Variants in VPS16 observed in about 807,000 individuals in gnomAD.
VPS16 encodes VPS16 core subunit of CORVET and HOPS complexes.
Under a neutral mutation model 116.0 loss-of-function variants are expected in VPS16, and 82 were observed. The ratio of observed to expected loss-of-function variants is 0.71; its 90% confidence interval spans 0.59 to 0.85. The LOEUF is 0.85. Ranked by LOEUF, VPS16 falls within the 40% of genes least tolerant of loss-of-function variation. The pLI, the probability that VPS16 is intolerant of heterozygous loss-of-function variation, is 0.00. For missense variants in VPS16, 928 were observed against 1,090.6 expected (o/e 0.85, Z 2.10); for synonymous variants, 406 against 420.7 (o/e 0.96, Z 0.43).
In VPS16 at chr20:2,865,155, A is replaced by G; in HGVS notation, c.2012A>G (p.Glu671Gly). The G allele has an allele frequency of 6.2e-7, 1 of 1,614,094 alleles. No individual in the cohort carries two copies. Among genetic ancestry groups the G allele is most frequent in the Non-Finnish European group, 8.5e-7 (1 of 1,180,004 alleles). The change falls in exon 21 of 24, where the codon GAG becomes GGG. Residue 671 changes from glutamate to glycine, a missense_variant. By Grantham distance (98) the Glu-to-Gly change is moderately conservative. Transcript: ENST00000380445. This position sits in a 1 kb window ranked among gnomAD's most constrained non-coding sequence, Gnocchi z 5.2. ...CATTATCCGGGTCCCCAGGCTACAG[A>G]GGATCAAATGCGGCTCCTACGGCTG... Reference protein sequence around the residue: ...AKNEFAAKATEDQMRLLRLQR... With the variant: ...AKNEFAAKATGDQMRLLRLQR...
At position 2,864,953 on chromosome 20, in the gene VPS16, C is replaced by A. The variant is rs777121972; in HGVS notation, c.1927-25C>A. 1.1e-5 allele frequency: 18 copies of A among 1,613,866 alleles called. No homozygotes were observed. Among genetic ancestry groups the A allele is most frequent in the Non-Finnish European group, 1.4e-5 (17 of 1,179,926 alleles). ...GCGAGGGTCCTGCATGCTGTGAGTT[C>A]AGGCCTTCCTTCTTGTCTTTATAGC... On this transcript the variant is annotated intron_variant, in intron 19 of 23. Transcript: ENST00000380445. This position sits in a 1 kb window ranked among gnomAD's most constrained non-coding sequence, Gnocchi z 5.2.
rs769087847 is a variant in VPS16 at position 2,865,103 on chromosome 20, T to A, written c.2005-45T>A. The A allele has an allele frequency of 6.2e-7, 1 of 1,614,158 alleles. No homozygotes were observed. Among genetic ancestry groups the A allele is most frequent in the South Asian group, 1.1e-5 (1 of 91,086 alleles). ...AGCCTCCTCGTCTCCTGGTCTTCCC[T>A]CCTGGTCCCTCATCCCCATCATGCC... On this transcript the variant is annotated intron_variant, in intron 20 of 23. Transcript: ENST00000380445. This position sits in a 1 kb window ranked among gnomAD's most constrained non-coding sequence, Gnocchi z 5.2.
chr20:2,844,714 A>G (rs560658873), intron 1 of VPS16, among the ~76,000 whole-genome samples: 9 of 152,230 alleles, frequency 5.9e-5, no homozygotes, highest in Non-Finnish European at 1.2e-4. Context: ...AGAAGTAATA[A>G]TACCCTATCC....
Position 2,860,412 on chromosome 20 carries a change from C to A in VPS16, c.370-37C>A. ...GGGGACGCGGGGTAGAGTTTATGACCCTGTGGCTCCCTTAACCCATGGCCC... is the reference window on the plus strand; with the variant it reads ...GGGGACGCGGGGTAGAGTTTATGACACTGTGGCTCCCTTAACCCATGGCCC... On this transcript the variant is annotated intron_variant, in intron 4 of 23. Coordinates refer to ENST00000380445, the MANE Select transcript of VPS16 (RefSeq NM_022575.4). The surrounding 1 kb of genome is among the most constrained non-coding windows in gnomAD (Gnocchi z 6.1). 1.9e-6 allele frequency: 3 copies of A among 1,613,988 alleles called. No individual in the cohort carries two copies. Among genetic ancestry groups the A allele is most frequent in the Non-Finnish European group, 2.5e-6 (3 of 1,179,992 alleles).
intron 1 of VPS16, among the ~76,000 whole-genome samples, chr20:2,849,560 A>G (rs2089096260): frequency 6.6e-6 from 1 of 152,044 alleles, no homozygotes; most frequent in South Asian, 2.1e-4. Flanking sequence ...CTGCCTCCCA[A>G]AACGCTGAGA....
intron 11 of VPS16, 124 bp from the exon 12 acceptor site, chr20:2,862,455 T>G: frequency 6.7e-7 from 1 of 1,488,918 alleles, no homozygotes; most frequent in Non-Finnish European, 8.9e-7. Context: ...CTGAGGGAGT[T>G]GGGGCTCCAG....
rs540496594 is a variant in VPS16 at position 2,846,657 on chromosome 20, C to T, written c.53+5830C>T. On this transcript the variant is annotated intron_variant, in intron 1 of 23. Coordinates refer to ENST00000380445, the MANE Select transcript of VPS16 (RefSeq NM_022575.4). ...ATTTGGGAATTACTGGATTATACCCCAAGGCAACCAGATTATACCTAACAT... is the reference window on the plus strand; with the variant it reads ...ATTTGGGAATTACTGGATTATACCCTAAGGCAACCAGATTATACCTAACAT... Among the ~76,000 whole-genome samples the T allele has an allele frequency of 9.6e-4, 146 of 152,170 alleles. 1 individual carries two copies. Among genetic ancestry groups the T allele is most frequent in the Non-Finnish European group, 1.5e-3 (101 of 68,010 alleles).
In VPS16 at chr20:2,865,282, G is replaced by A. The variant is rs753910054; in HGVS notation, c.2139G>A (p.Glu713=). ...TTGGCGGTCACAACAAGCGTGCAGA[G>A]CAGCTGGCACGTGACTTCCGCATCC... ...LILGGHNKRA[E]QLARDFRIPD... is the part of the protein sequence containing the mutation. Residue 713 remains glutamate (E), a synonymous_variant, in exon 21 of 24, where the codon GAG becomes GAA. Transcript: ENST00000380445. The surrounding 1 kb of genome is among the most constrained non-coding windows in gnomAD (Gnocchi z 5.2). 108 of 1,614,046 alleles carry A rather than the reference G, an allele frequency of 6.7e-5. No individual in the cohort carries two copies. Among genetic ancestry groups the A allele is most frequent in the Non-Finnish European group, 8.3e-5 (98 of 1,180,056 alleles).
chr20:2,842,464 AGGC>A (rs1255192871), intron 1 of VPS16, among the ~76,000 whole-genome samples: 2 of 152,102 alleles, frequency 1.3e-5, no homozygotes, highest in South Asian at 2.1e-4. Flanking sequence ...AAAATTAGCC[AGGC>A]ATAATGGCAG....
intron 1 of VPS16, among the ~76,000 whole-genome samples, chr20:2,849,268 G>A (rs12479861): frequency 0.025 from 3,840 of 151,364 alleles, 136 homozygotes; most frequent in African/African-American, 0.075. Context: ...ATTTTCAGCA[G>A]TAGCAGCTAT....
intron 1 of VPS16, among the ~76,000 whole-genome samples, chr20:2,844,963 T>G (rs2089043763): frequency 6.6e-6 from 1 of 151,422 alleles, no homozygotes; most frequent in South Asian, 2.1e-4. Flanking sequence ...GAAGCCTCAA[T>G]TAAAGGATCT....
Position 2,863,809 on chromosome 20 carries a change from A to T in VPS16, c.1477-140A>T. The stretch of plus-strand genomic sequence containing the variant: ...GGGGCGGAGGAGGAGGGAAAGAGAG[A>T]GAAAGAAGAAAGAGAGAAAGAAAGA... On this transcript the variant is annotated intron_variant, in intron 15 of 23. Transcript: ENST00000380445. This position sits in a 1 kb window ranked among gnomAD's most constrained non-coding sequence, Gnocchi z 4.4. 1 of 1,190,126 alleles carries T rather than the reference A, an allele frequency of 8.4e-7. No individual in the cohort carries two copies. Among genetic ancestry groups the T allele is most frequent in the Non-Finnish European group, 1.1e-6 (1 of 884,356 alleles). The allele number at this position is 1,190,126 out of a possible 1,614,324, so 73.7% of individuals were successfully genotyped here.
chr20:2,852,900 C>T (rs1432655933), intron 1 of VPS16, among the ~76,000 whole-genome samples: 3 of 152,184 alleles, frequency 2.0e-5, no homozygotes, highest in Non-Finnish European at 2.9e-5. Context: ...GTTGCCACAA[C>T]AGTGGGCTCT....
At chr20:2,844,360 T>C (rs2089038369) in intron 1 of VPS16, among the ~76,000 whole-genome samples, 1 of 152,228 alleles carries the variant, frequency 6.6e-6, no homozygotes, top group African/African-American at 2.4e-5. Flanking sequence ...TTGGGAGTAG[T>C]ATTCTGGAGA....
chr20:2,860,960 T>A lies in VPS16; in HGVS notation c.631-10T>A. On this transcript the variant is annotated splice_polypyrimidine_tract_variant and intron_variant, in intron 6 of 23. Coordinates refer to ENST00000380445, the MANE Select transcript of VPS16 (RefSeq NM_022575.4). This position sits in a 1 kb window ranked among gnomAD's most constrained non-coding sequence, Gnocchi z 6.1. ...GTATCTGTCCCACCCCTACCCTGGC[T>A]CTGCCTCAGACGCCCCCTGGCCTGG... 6.2e-7 allele frequency: 1 copy of A among 1,614,138 alleles called. No individual in the cohort carries two copies. The highest frequency in any genetic ancestry group is 8.5e-7 in the Non-Finnish European group (1 of 1,180,040).
At chr20:2,845,828 T>A (rs1162385551) in intron 1 of VPS16, among the ~76,000 whole-genome samples, 1 of 152,192 alleles carries the variant, frequency 6.6e-6, no homozygotes. Flanking sequence ...AGAATTTGAC[T>A]ACCCTAGACT....
At position 2,866,609 on chromosome 20, in the gene VPS16, C is replaced by A; in HGVS notation, c.*35C>A. ...CCTGTACATCTCAAGCAAGGGGTTCCTCCCCTAGCACCTGGGCTTGGCAGA... is the reference window on the plus strand; with the variant it reads ...CCTGTACATCTCAAGCAAGGGGTTCATCCCCTAGCACCTGGGCTTGGCAGA... On this transcript the variant is annotated 3_prime_UTR_variant, in exon 24 of 24. Transcript: ENST00000380445. 6.2e-7 allele frequency: 1 copy of A among 1,610,836 alleles called. No individual in the cohort carries two copies. Among genetic ancestry groups the A allele is most frequent in the Non-Finnish European group, 8.5e-7 (1 of 1,178,438 alleles).
chr20:2,852,612 T>A (rs1418222743), intron 1 of VPS16, among the ~76,000 whole-genome samples: 1 of 152,216 alleles, frequency 6.6e-6, no homozygotes, highest in African/African-American at 2.4e-5. Context: ...GCAAAACACG[T>A]CACATGAATT....
intron 13 of VPS16, 39 bp downstream of exon 13, chr20:2,862,973 G>T (rs775412396): frequency 6.2e-7 from 1 of 1,613,628 alleles, no homozygotes; most frequent in African/African-American, 1.3e-5. Flanking sequence ...CTACAGCCAG[G>T]GGTGGCAGGG....
Sources: allele counts gnomAD v4.1 joint callset (sites outside exome capture counted in the v4.1 genomes callset), GRCh38; gene constraint gnomAD v4.1.1; non-coding constraint Gnocchi (gnomAD v3.1); transcripts MANE v1.5; gene names NCBI Gene and HGNC (gene_info 2026-07-23, HGNC 2026-07-21).